NHLRC2: variants seen among roughly 807,000 people sequenced by gnomAD.
The protein encoded by NHLRC2 is NHL repeat containing 2.
NHLRC2 carries 33 observed loss-of-function variants against 68.1 expected under a neutral mutation model. That is an observed-to-expected ratio of 0.48 (90% CI 0.37 to 0.65). The LOEUF (loss-of-function observed/expected upper bound fraction) is 0.65. Among genes scored for constraint, NHLRC2 ranks in the 30% least tolerant of loss-of-function variants. The pLI is 0.00. For synonymous variants in NHLRC2, 311 were observed against 309.6 expected (o/e 1.00, Z -0.05); for missense variants, 761 against 853.8 (o/e 0.89, Z 1.35).
chr10:113,890,337 C>G (rs1002459864), intron 5 of NHLRC2, among the ~76,000 whole-genome samples: 1 of 152,112 alleles, frequency 6.6e-6, no homozygotes, highest in Non-Finnish European at 1.5e-5. Flanking sequence ...ACTCCATTGT[C>G]TTTTGACTTA....
At chr10:113,880,970 A>T (rs1297435676) in intron 4 of NHLRC2, among the ~76,000 whole-genome samples, 5 of 151,716 alleles carry the variant, frequency 3.3e-5, no homozygotes, top group Non-Finnish European at 7.4e-5. Flanking sequence ...TAATGGGGGG[A>T]TATCTGTGCA....
At chr10:113,874,442 TTGTGTG>T (rs58207579) in intron 2 of NHLRC2, among the ~76,000 whole-genome samples, 48,495 of 125,192 alleles carry the variant, frequency 0.39, 8,534 homozygotes, top group Non-Finnish European at 0.46. Flanking sequence ...AGGCATGTGT[TTGTGTG>T]TGTGTGTGTG....
intron 2 of NHLRC2, among the ~76,000 whole-genome samples, chr10:113,875,025 T>C (rs1845965080): frequency 6.6e-6 from 1 of 152,040 alleles, no homozygotes. Flanking sequence ...TGCTTTATCT[T>C]GGCATCGGTA....
At chr10:113,855,179 A>C in intron 1 of NHLRC2, 129 bp downstream of exon 1, 1 of 808,074 alleles carries the variant, frequency 1.2e-6, no homozygotes, top group South Asian at 1.6e-5. Flanking sequence ...CCCTTCGCCT[A>C]ACTTGGGCCG....
At chr10:113,890,039 C>T (rs987898083) in intron 5 of NHLRC2, among the ~76,000 whole-genome samples, 1 of 152,294 alleles carries the variant, frequency 6.6e-6, no homozygotes, top group Middle Eastern at 3.4e-3. Context: ...ATTCACTTCT[C>T]TTGGGCAAAT....
intron 8 of NHLRC2, 50 bp from the exon 9 acceptor site, chr10:113,903,477 A>G (rs1165378414): frequency 8.7e-7 from 1 of 1,154,216 alleles, no homozygotes; most frequent in East Asian, 2.3e-5. Flanking sequence ...CCATACAACA[A>G]ACATGAGATT....
At chr10:113,898,250 G>A in intron 6 of NHLRC2, 41 bp downstream of exon 6, 1 of 1,295,164 alleles carries the variant, frequency 7.7e-7, no homozygotes, top group South Asian at 1.2e-5. Context: ...TGTACTACTT[G>A]GTGTTCATAT....
intron 2 of NHLRC2, among the ~76,000 whole-genome samples, chr10:113,872,761 TAAA>T (rs56279136): frequency 7.3e-6 from 1 of 136,384 alleles, no homozygotes. Flanking sequence ...GAAAATGAGC[TAAA>T]AAAAAAAAAA....
chr10:113,898,075 T>C, intron 5 of NHLRC2, 35 bp from the exon 6 acceptor site: 1 of 1,246,360 alleles, frequency 8.0e-7, no homozygotes, highest in East Asian at 2.6e-5. Flanking sequence ...ATTAACCAGA[T>C]ATGTATATAA....
intron 5 of NHLRC2, among the ~76,000 whole-genome samples, chr10:113,897,396 C>T (rs1434478163): frequency 6.6e-6 from 1 of 152,114 alleles, no homozygotes; most frequent in Non-Finnish European, 1.5e-5. Flanking sequence ...TCTATGGTGT[C>T]TATTGAAGGG....
chr10:113,866,852 G>A (rs2134695058), intron 2 of NHLRC2, among the ~76,000 whole-genome samples: 1 of 151,696 alleles, frequency 6.6e-6, no homozygotes, highest in Non-Finnish European at 1.5e-5. Flanking sequence ...AAGATACCAA[G>A]CAGAATCAGG....
chr10:113,906,067 C>T (rs1846272672), intron 10 of NHLRC2, among the ~76,000 whole-genome samples: 1 of 152,202 alleles, frequency 6.6e-6, no homozygotes, highest in Non-Finnish European at 1.5e-5. Flanking sequence ...AAGTTCTAGA[C>T]TGCCAATTTA....
intron 6 of NHLRC2, 27 bp from the exon 7 acceptor site, chr10:113,901,639 C>T: frequency 2.1e-6 from 3 of 1,418,846 alleles, no homozygotes; most frequent in South Asian, 1.1e-5. Flanking sequence ...CACATGTTGA[C>T]TCCACCTATG....
At chr10:113,882,158 C>T (rs1846040728) in intron 4 of NHLRC2, among the ~76,000 whole-genome samples, 1 of 151,712 alleles carries the variant, frequency 6.6e-6, no homozygotes, top group African/African-American at 2.4e-5. Flanking sequence ...AATAATCTTG[C>T]TGTGAGCATT....
Position 113,854,922 on chromosome 10 carries a change from C to T in NHLRC2, c.50C>T (p.Ala17Val). ...RGRSLSGLLP[A>V]QTSLEYALLD... The stretch of plus-strand genomic sequence containing the variant: ...CGCAGCCTCTCCGGCCTGCTCCCCG[C>T]GCAGACCTCGCTAGAGTACGCCCTG... The change falls in exon 1 of 11, where the codon GCG becomes GTG. Residue 17 changes from alanine (A) to valine (V), a missense_variant. By Grantham distance (64) the Ala-to-Val change is moderately conservative. Coordinates refer to ENST00000369301, the MANE Select transcript of NHLRC2 (RefSeq NM_198514.4). 2 of 1,553,744 alleles carry T rather than the reference C, an allele frequency of 1.3e-6. No homozygotes were observed. The highest frequency in any genetic ancestry group is 1.7e-6 in the Non-Finnish European group (2 of 1,148,308).
chr10:113,870,505 C>T lies in NHLRC2; in HGVS notation c.332-6016C>T, dbSNP rs371322674. Among the ~76,000 whole-genome samples the T allele has an allele frequency of 3.9e-5, 6 of 152,248 alleles. No individual in the cohort carries two copies. In the East Asian group the frequency reaches 7.7e-4, roughly 20 times the overall value. The stretch of plus-strand genomic sequence containing the variant: ...TTTTAAAAATAACTGCATAGTACTC[C>T]GCTATATGTGTGCCATAACTCATTC... On this transcript the variant is annotated intron_variant, in intron 2 of 10. Transcript: ENST00000369301.
At chr10:113,877,237 T>C (rs1043963595) in intron 3 of NHLRC2, among the ~76,000 whole-genome samples, 1 of 151,886 alleles carries the variant, frequency 6.6e-6, no homozygotes, top group Non-Finnish European at 1.5e-5. Flanking sequence ...GGTATATTTG[T>C]ATATTCTATC....
chr10:113,887,570 G>C (rs762175470), intron 5 of NHLRC2, among the ~76,000 whole-genome samples: 5 of 152,076 alleles, frequency 3.3e-5, no homozygotes, highest in Admixed American at 1.3e-4. Flanking sequence ...AGGAGTTCAA[G>C]ACCAGCCTCG....
In NHLRC2 at chr10:113,911,821, A is replaced by G. The variant is rs531680536; in HGVS notation, c.*3285A>G. On this transcript the variant is annotated 3_prime_UTR_variant, in exon 11 of 11. Coordinates refer to ENST00000369301, the MANE Select transcript of NHLRC2 (RefSeq NM_198514.4). ...GAATATATGCAGAGGGAAAATGTCAATAGTTCTTGTGAATGAAGGAATTAT... is the reference window on the plus strand; with the variant it reads ...GAATATATGCAGAGGGAAAATGTCAGTAGTTCTTGTGAATGAAGGAATTAT... The G allele has an allele frequency of 5.9e-5, 9 of 152,224 alleles. No homozygotes were observed. The highest frequency in any genetic ancestry group is 1.9e-4 in the East Asian group (1 of 5,196). The allele number at this position is 152,224 out of a possible 1,614,324, so 9.4% of individuals were successfully genotyped here. A position where few individuals can be genotyped will look rare whatever the true frequency, so the allele number is the denominator to read the frequency against.
Sources: gnomAD v4.1 joint callset for allele counts (sites outside exome capture counted in the v4.1 genomes callset) on GRCh38, gnomAD v4.1.1 for gene constraint, MANE v1.5 for transcripts, NCBI Gene and HGNC (gene_info 2026-07-23, HGNC 2026-07-21) for gene names.